SOBP: variants seen among roughly 807,000 people sequenced by gnomAD.
SOBP encodes the protein sine oculis-binding protein homolog.
Under a neutral mutation model 53.6 loss-of-function variants are expected in SOBP, and 4 were observed. The observed-to-expected ratio is 0.07, with a 90% CI of 0.04 to 0.17. The LOEUF (loss-of-function observed/expected upper bound fraction) is 0.17, where lower values mean the gene tolerates loss of function less well. Ranked by LOEUF, SOBP falls within the 10% of genes least tolerant of loss-of-function variation. The pLI, the probability that SOBP is intolerant of heterozygous loss-of-function variation, is 1.00. For missense variants in SOBP, 1,088 were observed against 1,204.7 expected (o/e 0.90, Z 1.43); for synonymous variants, 584 against 522.6 (o/e 1.12, Z -1.60).
At chr6:107,550,326 C>A (rs1003274874) in intron 4 of SOBP, among the ~76,000 whole-genome samples, 1 of 152,222 alleles carries the variant, frequency 6.6e-6, no homozygotes, top group African/African-American at 2.4e-5. Context: ...GGAAATTAGA[C>A]ATCTGAGACG....
In SOBP at chr6:107,587,122, C is replaced by T. The variant is rs1271479642; in HGVS notation, c.616C>T (p.His206Tyr). The T allele has an allele frequency of 6.2e-7, 1 of 1,613,670 alleles. No homozygotes were observed. Among genetic ancestry groups the T allele is most frequent in the Admixed American group, 1.7e-5 (1 of 60,014 alleles). ...DGHAENFPQQ[H>Y]YAKETPRLAF... ...ACATGCTGAAAATTTTCCCCAGCAG[C>T]ACTATGCTAAGGAAACTCCAAGGCT... The change falls in exon 5 of 7, where the codon CAC (histidine) becomes TAC (tyrosine). Residue 206 changes from histidine to tyrosine, a missense_variant. Coordinates refer to ENST00000317357, the MANE Select transcript of SOBP (RefSeq NM_018013.4).
intron 6 of SOBP, among the ~76,000 whole-genome samples, chr6:107,645,376 T>C (rs189672464): frequency 6.6e-6 from 1 of 152,106 alleles, no homozygotes; most frequent in African/African-American, 2.4e-5. Context: ...AACATATCCA[T>C]TTTGCACTAA....
At chr6:107,500,615 G>A (rs915335729) in intron 1 of SOBP, among the ~76,000 whole-genome samples, 8 of 151,426 alleles carry the variant, frequency 5.3e-5, no homozygotes, top group African/African-American at 9.7e-5. Flanking sequence ...TCCGCCTCCC[G>A]GGTTCACGCC....
chr6:107,557,424 T>G (rs539276538), intron 4 of SOBP, among the ~76,000 whole-genome samples: 16 of 152,330 alleles, frequency 1.1e-4, no homozygotes, highest in African/African-American at 3.6e-4. Context: ...TATATCAAAT[T>G]GTTCCGAAAC....
At chr6:107,522,275 G>A (rs568968982) in intron 3 of SOBP, among the ~76,000 whole-genome samples, 122 of 152,256 alleles carry the variant, frequency 8.0e-4, no homozygotes, top group Middle Eastern at 3.4e-3. Flanking sequence ...GGCAGTGGAT[G>A]CCACTGAAGA....
intron 4 of SOBP, among the ~76,000 whole-genome samples, chr6:107,555,628 T>G (rs1784588259): frequency 6.6e-6 from 1 of 152,188 alleles, no homozygotes; most frequent in Non-Finnish European, 1.5e-5. Context: ...ACGTGCAGAT[T>G]CCAAGCTACA....
chr6:107,593,369 G>C (rs983327292), intron 5 of SOBP, among the ~76,000 whole-genome samples: 1 of 152,306 alleles, frequency 6.6e-6, no homozygotes, highest in East Asian at 1.9e-4. Flanking sequence ...TTGCCCTTCA[G>C]ATTTCAGAGC....
intron 6 of SOBP, among the ~76,000 whole-genome samples, chr6:107,639,376 G>T (rs1417062300): frequency 6.6e-6 from 1 of 152,028 alleles, no homozygotes; most frequent in African/African-American, 2.4e-5. Flanking sequence ...CTGGTTACCT[G>T]CCTTTATGCA....
rs1772179813 is a variant in SOBP, at chr6:107,658,827, C to G, written c.*624C>G. On this transcript the variant is annotated 3_prime_UTR_variant, in exon 7 of 7. Coordinates refer to ENST00000317357, the MANE Select transcript of SOBP (RefSeq NM_018013.4). ...TAATATACTTTTCTTGTTATTTTTACAAAGGCCACCTTTATCCTTTTTGAT... is the reference window on the plus strand; with the variant it reads ...TAATATACTTTTCTTGTTATTTTTAGAAAGGCCACCTTTATCCTTTTTGAT... 1 of 152,574 alleles carries G rather than the reference C, an allele frequency of 6.6e-6. No homozygotes were observed. Among genetic ancestry groups the G allele is most frequent in the African/African-American group, 2.4e-5 (1 of 41,444 alleles). 9.5% of individuals were successfully genotyped at this position (152,574 alleles called of 1,614,324 possible).
In SOBP at chr6:107,533,595, C is replaced by T; in HGVS notation, c.558C>T (p.Tyr186=). The T allele has an allele frequency of 6.2e-7, 1 of 1,613,920 alleles. No individual in the cohort carries two copies. The highest frequency in any genetic ancestry group is 8.5e-7 in the Non-Finnish European group (1 of 1,179,886). ...GCTTTGCGGCCTGCCGACGAGCCTA[C>T]TTCAAGAGAAATAAGGTAAGAGCAC... The part of the protein sequence containing the change: ...EKCFAACRRA[Y]FKRNKARDED... The change falls in exon 4 of 7, where the codon TAC becomes TAT. Residue 186 remains tyrosine, a synonymous_variant. Transcript: ENST00000317357.
intron 4 of SOBP, among the ~76,000 whole-genome samples, chr6:107,536,992 T>C (rs532660802): frequency 2.6e-5 from 4 of 152,372 alleles, no homozygotes; most frequent in Non-Finnish European, 4.4e-5. Context: ...ATTTCATGTA[T>C]TGGAGACTTT....
chr6:107,563,795 G>A (rs1784838891), intron 4 of SOBP, among the ~76,000 whole-genome samples: 1 of 152,176 alleles, frequency 6.6e-6, no homozygotes, highest in Admixed American at 6.5e-5. Flanking sequence ...CAGCCTCATA[G>A]CCACATTTCC....
intron 4 of SOBP, among the ~76,000 whole-genome samples, chr6:107,577,387 C>T (rs1416046759): frequency 1.3e-5 from 2 of 152,228 alleles, no homozygotes; most frequent in Admixed American, 6.5e-5. Context: ...TGGTGCTCCA[C>T]CCCCTCATCC....
rs547315140 is a variant in SOBP, at chr6:107,568,878, T to G, written c.574-18202T>G. On this transcript the variant is annotated intron_variant, in intron 4 of 6. Coordinates refer to ENST00000317357, the MANE Select transcript of SOBP (RefSeq NM_018013.4). Reference sequence around the variant, plus strand: ...AGAAACCTTCATGCATTGACCCTGATAAAACCGGCTTTATTAACACAATCT... The same window carrying G: ...AGAAACCTTCATGCATTGACCCTGAGAAAACCGGCTTTATTAACACAATCT... 2.0e-5 allele frequency among the ~76,000 whole-genome samples: 3 copies of G among 152,342 alleles called. No individual in the cohort carries two copies. The South Asian group carries it at 6.2e-4, about 32-fold the overall frequency.
chr6:107,630,670 T>C (rs1388197925), intron 5 of SOBP, among the ~76,000 whole-genome samples: 2 of 152,092 alleles, frequency 1.3e-5, no homozygotes, highest in Non-Finnish European at 2.9e-5. Context: ...ACCAGAAAGA[T>C]TGCTTTTCTG....
intron 4 of SOBP, among the ~76,000 whole-genome samples, chr6:107,557,147 A>G (rs960310161): frequency 6.6e-6 from 1 of 152,220 alleles, no homozygotes; most frequent in African/African-American, 2.4e-5. Flanking sequence ...CATTTTGTGA[A>G]TAAAATAAAC....
intron 5 of SOBP, among the ~76,000 whole-genome samples, chr6:107,599,633 C>T (rs1287297697): frequency 6.7e-6 from 1 of 149,616 alleles, no homozygotes; most frequent in South Asian, 2.1e-4. Context: ...AGGTTGCTAG[C>T]TCCCAAATTA....
At position 107,660,127 on chromosome 6, in the gene SOBP, A is replaced by C. The variant is rs892571855; in HGVS notation, c.*1924A>C. 3.9e-5 allele frequency: 6 copies of C among 152,632 alleles called. No homozygotes were observed. Among genetic ancestry groups the C allele is most frequent in the Non-Finnish European group, 8.8e-5 (6 of 68,042 alleles). 9.5% of individuals were successfully genotyped at this position (152,632 alleles called of 1,614,324 possible). A position where few individuals can be genotyped will look rare whatever the true frequency, so the allele number is the denominator to read the frequency against. ...TCATCAAACAAAAAATAAATCTCGA[A>C]GAAAAAAAATGCACTTACATGTGCT... On this transcript the variant is annotated 3_prime_UTR_variant, in exon 7 of 7. Transcript: ENST00000317357.
At chr6:107,588,180 A>G (rs963647991) in intron 5 of SOBP, among the ~76,000 whole-genome samples, 5 of 152,194 alleles carry the variant, frequency 3.3e-5, no homozygotes, top group African/African-American at 9.6e-5. Context: ...GAAATCCCAC[A>G]TGTAACAGTC....
Sources: gnomAD v4.1 joint callset for allele counts (sites outside exome capture counted in the v4.1 genomes callset) on GRCh38, gnomAD v4.1.1 for gene constraint, MANE v1.5 for transcripts, NCBI Gene and HGNC (gene_info 2026-07-23, HGNC 2026-07-21) for gene names.